The following ANGPTL2 variants were observed in gnomAD, a reference collection of about 807,000 sequenced individuals.
The protein encoded by ANGPTL2 is angiopoietin like 2, also known as angiopoietin-related protein 2.
ANGPTL2 carries 25 observed loss-of-function variants against 52.8 expected under a neutral mutation model. That is an observed-to-expected ratio of 0.47 (90% CI 0.35 to 0.66). ANGPTL2 has a LOEUF of 0.66. Ranked by LOEUF, ANGPTL2 falls within the 30% of genes least tolerant of loss-of-function variation. The pLI is 0.01. For missense variants in ANGPTL2, 546 were observed against 656.9 expected (o/e 0.83, Z 1.84); for synonymous variants, 276 against 277.4 (o/e 1.00, Z 0.05).
At chr9:127,121,247 A>AT (rs1050363172) in intron 1 of ANGPTL2, among the ~76,000 whole-genome samples, 1 of 152,198 alleles carries the variant, frequency 6.6e-6, no homozygotes, top group Non-Finnish European at 1.5e-5. Context: ...GGGCAGTATT[A>AT]TCCCATTTCA....
At chr9:127,093,665 G>T (rs1426116642) in intron 3 of ANGPTL2, 68 bp downstream of exon 3, 2 of 1,571,426 alleles carry the variant, frequency 1.3e-6, no homozygotes, top group Non-Finnish European at 8.7e-7. Flanking sequence ...TCTATTGGTT[G>T]CTCAGGCCTC....
intron 2 of ANGPTL2, among the ~76,000 whole-genome samples, chr9:127,105,292 G>A (rs564425274): frequency 5.9e-5 from 9 of 152,254 alleles, no homozygotes; most frequent in South Asian, 4.2e-4. Flanking sequence ...CCATGACGGC[G>A]TGCTTTCTTA....
At chr9:127,101,480 A>G (rs150213808) in intron 2 of ANGPTL2, among the ~76,000 whole-genome samples, 9 of 152,098 alleles carry the variant, frequency 5.9e-5, no homozygotes, top group East Asian at 1.9e-4. Flanking sequence ...CCATCCTTCA[A>G]TCCTCTATCC....
chr9:127,090,134 G>A (rs2052290820), intron 4 of ANGPTL2, among the ~76,000 whole-genome samples: 1 of 152,182 alleles, frequency 6.6e-6, no homozygotes, highest in Non-Finnish European at 1.5e-5. Flanking sequence ...TGGCAGTGTT[G>A]GACTGGTATA....
At chr9:127,107,577 A>G (rs937618970) in intron 2 of ANGPTL2, among the ~76,000 whole-genome samples, 1 of 152,198 alleles carries the variant, frequency 6.6e-6, no homozygotes, top group Non-Finnish European at 1.5e-5. Flanking sequence ...TGCAGGAGAG[A>G]CATTCTCTTC....
At chr9:127,117,265 C>T (rs1042569060) in intron 1 of ANGPTL2, among the ~76,000 whole-genome samples, 1 of 152,208 alleles carries the variant, frequency 6.6e-6, no homozygotes, top group African/African-American at 2.4e-5. Context: ...ACACCCAAGA[C>T]TCAGATTGCA....
chr9:127,113,858 C>A (rs1243958548), intron 1 of ANGPTL2, among the ~76,000 whole-genome samples: 1 of 152,206 alleles, frequency 6.6e-6, no homozygotes, highest in South Asian at 2.1e-4. Flanking sequence ...GGCCACACAT[C>A]ATGTGTCCGC....
At chr9:127,121,321 G>A (rs1299468477) in intron 1 of ANGPTL2, among the ~76,000 whole-genome samples, 1 of 152,252 alleles carries the variant, frequency 6.6e-6, no homozygotes, top group African/African-American at 2.4e-5. Flanking sequence ...CTAGTAGGTA[G>A]AAGAGCTGGG....
intron 1 of ANGPTL2, among the ~76,000 whole-genome samples, chr9:127,120,393 C>A (rs1472766883): frequency 6.6e-6 from 1 of 152,152 alleles, no homozygotes; most frequent in Non-Finnish European, 1.5e-5. Context: ...CAAACCCAAA[C>A]CCCAGACATA....
At chr9:127,119,127 G>A (rs998299689) in intron 1 of ANGPTL2, among the ~76,000 whole-genome samples, 3 of 152,292 alleles carry the variant, frequency 2.0e-5, no homozygotes, top group South Asian at 2.1e-4. Context: ...ACCCAGGCAC[G>A]TGGAACAAGT....
Position 127,091,893 on chromosome 9 carries a change from G to A in ANGPTL2, c.1059C>T (p.Asn353=). The A allele has an allele frequency of 5.0e-6, 8 of 1,614,146 alleles. No homozygotes were observed. Among genetic ancestry groups the A allele is most frequent in the East Asian group, 2.2e-5 (1 of 44,864 alleles). The change falls in exon 4 of 5, where the codon AAC becomes AAT. Residue 353 remains asparagine (N), a synonymous_variant. Coordinates refer to ENST00000373425, the MANE Select transcript of ANGPTL2 (RefSeq NM_012098.3). This position sits in a 1 kb window ranked among gnomAD's most constrained non-coding sequence, Gnocchi z 4.3. The part of the protein sequence containing the change: ...IDGEYWLGLE[N]IYWLTNQGNY... ...TGCCTTGGTTCGTCAGCCAGTAAATGTTCTCCAGGCCCAGCCAGTATTCGC... is the reference window on the plus strand; with the variant it reads ...TGCCTTGGTTCGTCAGCCAGTAAATATTCTCCAGGCCCAGCCAGTATTCGC...
intron 1 of ANGPTL2, among the ~76,000 whole-genome samples, chr9:127,118,478 A>AGTGT (rs2055686160): frequency 6.6e-6 from 1 of 152,226 alleles, no homozygotes; most frequent in East Asian, 1.9e-4. Flanking sequence ...AGATTTCCAC[A>AGTGT]GTGTGGTTGT....
At chr9:127,098,969 A>T (rs2053450288) in intron 2 of ANGPTL2, among the ~76,000 whole-genome samples, 1 of 152,246 alleles carries the variant, frequency 6.6e-6, no homozygotes, top group African/African-American at 2.4e-5. Context: ...TTACTAGGAA[A>T]ACATGGCTCC....
chr9:127,119,981 T>G (rs1387797183), intron 1 of ANGPTL2, among the ~76,000 whole-genome samples: 1 of 152,188 alleles, frequency 6.6e-6, no homozygotes, highest in Non-Finnish European at 1.5e-5. Flanking sequence ...TTCAAAATGC[T>G]TCCAAGCGTG....
At chr9:127,109,854 C>A (rs2054621634) in intron 1 of ANGPTL2, among the ~76,000 whole-genome samples, 1 of 152,128 alleles carries the variant, frequency 6.6e-6, no homozygotes, top group African/African-American at 2.4e-5. Flanking sequence ...GAATGCTTCC[C>A]TGAGAAAGTG....
intron 1 of ANGPTL2, among the ~76,000 whole-genome samples, chr9:127,121,895 G>A (rs1243251681): frequency 1.3e-5 from 2 of 152,174 alleles, no homozygotes; most frequent in Non-Finnish European, 2.9e-5. Context: ...TGGGGGCATA[G>A]GAATCCAAAG....
intron 2 of ANGPTL2, among the ~76,000 whole-genome samples, chr9:127,104,304 C>T (rs1431371475): frequency 6.6e-6 from 1 of 152,196 alleles, no homozygotes; most frequent in East Asian, 1.9e-4. Flanking sequence ...GGGATGGGCA[C>T]TGTGCAGGAG....
rs1328502925 is a variant in ANGPTL2 at position 127,091,642 on chromosome 9, C to T, written c.1282+28G>A. 6.2e-7 allele frequency: 1 copy of T among 1,604,550 alleles called. No homozygotes were observed. The highest frequency in any genetic ancestry group is 8.5e-7 in the Non-Finnish European group (1 of 1,174,176). On this transcript the variant is annotated intron_variant, in intron 4 of 4. Transcript: ENST00000373425. This position sits in a 1 kb window ranked among gnomAD's most constrained non-coding sequence, Gnocchi z 4.3. ...TGGTTGACCTCTTTTCCCTACCCTG[C>T]ACCTGGGTTTGACTCCACTTTTCCT...
intron 3 of ANGPTL2, 133 bp downstream of exon 3, chr9:127,093,600 T>G (rs1190899325): frequency 3.6e-6 from 4 of 1,098,624 alleles, no homozygotes; most frequent in Admixed American, 2.3e-5. Flanking sequence ...GGTATATGTG[T>G]TGTTGGGGCC....
Sources: gnomAD v4.1 joint callset for allele counts (sites outside exome capture counted in the v4.1 genomes callset) on GRCh38, gnomAD v4.1.1 for gene constraint, Gnocchi (gnomAD v3.1) non-coding constraint, MANE v1.5 for transcripts, NCBI Gene and HGNC (gene_info 2026-07-23, HGNC 2026-07-21) for gene names.